The following NDUFS4 variants were observed in gnomAD, a reference collection of about 807,000 sequenced individuals.
The protein encoded by NDUFS4 is NADH dehydrogenase [ubiquinone] iron-sulfur protein 4, mitochondrial.
NDUFS4 carries 28 observed loss-of-function variants against 24.3 expected under a neutral mutation model. That is an observed-to-expected ratio of 1.15 (90% confidence interval 0.85 to 1.58). NDUFS4 has a LOEUF of 1.58. Ranked by LOEUF, NDUFS4 falls within the 40% of genes most tolerant of loss-of-function variation. The pLI, the probability that NDUFS4 is intolerant of heterozygous loss-of-function variation, is 0.00. For missense variants in NDUFS4, 223 were observed against 207.9 expected, an observed-to-expected ratio of 1.07 and a Z score of -0.45; for synonymous variants, 93 against 69.7, an observed-to-expected ratio of 1.34 and a Z score of -1.67.
At chr5:53,662,532 T>C (rs577413040) in intron 4 of NDUFS4, among the ~76,000 whole-genome samples, 12 of 152,210 alleles carry the variant, frequency 7.9e-5, no homozygotes, top group East Asian at 3.9e-4. Flanking sequence ...GGAGGATTCC[T>C]TCTTTTTCTA....
intron 2 of NDUFS4, among the ~76,000 whole-genome samples, chr5:53,607,989 G>A (rs1750581322): frequency 6.6e-6 from 1 of 151,876 alleles, no homozygotes; most frequent in Non-Finnish European, 1.5e-5. Context: ...AATTTATATT[G>A]TTTTCTTCAT....
chr5:53,586,346 C>CAAAAAAAAAAAAAAA (rs1749754096), intron 1 of NDUFS4, among the ~76,000 whole-genome samples: 1 of 138,868 alleles, frequency 7.2e-6, no homozygotes, highest in Non-Finnish European at 1.6e-5. Flanking sequence ...AAAAAAAAAA[C>CAAAAAAAAAAAAAAA]AAACCAAAAC....
intron 4 of NDUFS4, among the ~76,000 whole-genome samples, chr5:53,659,343 CTAA>C (rs1454047392): frequency 2.0e-5 from 3 of 152,134 alleles, no homozygotes; most frequent in Non-Finnish European, 4.4e-5. Context: ...AATATGGATT[CTAA>C]TCTTGGTTAT....
chr5:53,677,655 T>C (rs748136428), intron 4 of NDUFS4, among the ~76,000 whole-genome samples: 3 of 152,220 alleles, frequency 2.0e-5, no homozygotes, highest in Non-Finnish European at 4.4e-5. Flanking sequence ...CAGCCAGATA[T>C]AATATGGGTA....
intron 4 of NDUFS4, among the ~76,000 whole-genome samples, chr5:53,671,933 A>G (rs1740261074): frequency 6.6e-6 from 1 of 152,122 alleles, no homozygotes; most frequent in African/African-American, 2.4e-5. Flanking sequence ...GAAATTCTCA[A>G]AATAAAGGAA....
intron 2 of NDUFS4, among the ~76,000 whole-genome samples, chr5:53,621,069 T>A (rs1751019683): frequency 6.6e-6 from 1 of 152,222 alleles, no homozygotes; most frequent in Non-Finnish European, 1.5e-5. Context: ...ATAATTGGTA[T>A]CTTTCCTGTG....
chr5:53,668,205 A>G (rs1038503922), intron 4 of NDUFS4, among the ~76,000 whole-genome samples: 1 of 152,198 alleles, frequency 6.6e-6, no homozygotes, highest in Non-Finnish European at 1.5e-5. Flanking sequence ...TTTGATTTGT[A>G]TATCAATTAT....
At chr5:53,679,819 G>T (rs887573157) in intron 4 of NDUFS4, among the ~76,000 whole-genome samples, 4 of 151,984 alleles carry the variant, frequency 2.6e-5, no homozygotes, top group African/African-American at 7.2e-5. Flanking sequence ...GAGAACTTAG[G>T]TTTCTTACCT....
At chr5:53,657,168 C>G (rs774401713) in intron 3 of NDUFS4, among the ~76,000 whole-genome samples, 9 of 152,154 alleles carry the variant, frequency 5.9e-5, no homozygotes, top group Admixed American at 1.3e-4. Context: ...CAACACTTAT[C>G]AGATTACTGC....
chr5:53,627,313 A>G (rs928721828), intron 2 of NDUFS4, among the ~76,000 whole-genome samples: 2 of 152,144 alleles, frequency 1.3e-5, no homozygotes, highest in Non-Finnish European at 2.9e-5. Context: ...GTCAGGTAGC[A>G]TGATACCTCT....
At chr5:53,673,282 A>AT in intron 4 of NDUFS4, among the ~76,000 whole-genome samples, 1 of 152,234 alleles carries the variant, frequency 6.6e-6, no homozygotes, top group African/African-American at 2.4e-5. Flanking sequence ...AAACCTAATT[A>AT]TTTTTTAGCA....
intron 1 of NDUFS4, among the ~76,000 whole-genome samples, chr5:53,578,200 A>G (rs1749446641): frequency 6.6e-6 from 1 of 152,182 alleles, no homozygotes; most frequent in South Asian, 2.1e-4. Context: ...GACTTTAAAC[A>G]TTGTTATTCT....
At chr5:53,611,160 C>T (rs935577711) in intron 2 of NDUFS4, among the ~76,000 whole-genome samples, 5 of 149,012 alleles carry the variant, frequency 3.4e-5, no homozygotes, top group Admixed American at 6.7e-5. Context: ...TTTCATAGTA[C>T]TTTGTGGATG....
At chr5:53,623,906 A>G (rs1304844720) in intron 2 of NDUFS4, among the ~76,000 whole-genome samples, 1 of 152,044 alleles carries the variant, frequency 6.6e-6, no homozygotes. Context: ...CTTAGTAGAG[A>G]TGGGGTTTCA....
At chr5:53,605,570 C>G (rs2087618) in intron 2 of NDUFS4, among the ~76,000 whole-genome samples, 38,931 of 151,918 alleles carry the variant, frequency 0.26, 5,368 homozygotes, top group Admixed American at 0.36. Flanking sequence ...TTTTCTTGCC[C>G]TACCTAGATT....
intron 4 of NDUFS4, among the ~76,000 whole-genome samples, chr5:53,672,177 C>T (rs764077327): frequency 4.6e-5 from 7 of 151,648 alleles, no homozygotes; most frequent in Non-Finnish European, 1.0e-4. Flanking sequence ...TTCCACCTAA[C>T]GTAACCTCTT....
chr5:53,682,224 A>G (rs1170679593), intron 4 of NDUFS4, among the ~76,000 whole-genome samples: 4 of 152,166 alleles, frequency 2.6e-5, no homozygotes, highest in African/African-American at 7.2e-5. Flanking sequence ...TTTGTTTCCC[A>G]TGTTTTAGGA....
intron 3 of NDUFS4, among the ~76,000 whole-genome samples, chr5:53,658,148 T>G (rs912587343): frequency 2.0e-5 from 3 of 152,014 alleles, no homozygotes; most frequent in Non-Finnish European, 4.4e-5. Context: ...GAAGTTAATT[T>G]AAAAAAAGAA....
At chr5:53,641,270 T>G (rs1751699774) in intron 2 of NDUFS4, among the ~76,000 whole-genome samples, 1 of 152,162 alleles carries the variant, frequency 6.6e-6, no homozygotes, top group East Asian at 1.9e-4. Context: ...CTCAGCCCTT[T>G]GCTTTTAGCC....
Sources: allele counts gnomAD v4.1 joint callset (sites outside exome capture counted in the v4.1 genomes callset), GRCh38; gene constraint gnomAD v4.1.1; transcripts MANE v1.5; gene names NCBI Gene and HGNC (gene_info 2026-07-23, HGNC 2026-07-21).